The following ROBO2 variants were observed in gnomAD, a reference collection of about 807,000 sequenced individuals.
The protein encoded by ROBO2 is roundabout guidance receptor 2.
ROBO2 carries 53 observed loss-of-function variants against 160.8 expected under a neutral mutation model. The ratio of observed to expected loss-of-function variants is 0.33; its 90% CI spans 0.26 to 0.41. The LOEUF is 0.41. ROBO2 is among the 10% of genes least tolerant of loss of function. The pLI, the probability that ROBO2 is intolerant of heterozygous loss-of-function variation, is 1.00. For missense variants in ROBO2, 1,577 were observed against 1,722.4 expected (o/e 0.92, Z 1.49); for synonymous variants, 664 against 611.7 (o/e 1.09, Z -1.26).
intron 17 of ROBO2, among the ~76,000 whole-genome samples, chr3:77,594,337 G>T (rs987255416): frequency 6.6e-6 from 1 of 152,128 alleles, no homozygotes; most frequent in Non-Finnish European, 1.5e-5. Flanking sequence ...ATGGATGATG[G>T]ACCTGAACTG....
intron 2 of ROBO2, among the ~76,000 whole-genome samples, chr3:76,459,918 A>G (rs941274273): frequency 6.6e-6 from 1 of 152,170 alleles, no homozygotes; most frequent in East Asian, 1.9e-4. Context: ...TGGTTTAACA[A>G]ATGAACCAAC....
chr3:76,091,292 A>T (rs930166848), intron 2 of ROBO2, among the ~76,000 whole-genome samples: 1 of 152,224 alleles, frequency 6.6e-6, no homozygotes, highest in Admixed American at 6.5e-5. Flanking sequence ...ACACCTCACT[A>T]AAGAAGATAT....
At chr3:75,998,939 C>A (rs987501589) in intron 2 of ROBO2, among the ~76,000 whole-genome samples, 1 of 152,180 alleles carries the variant, frequency 6.6e-6, no homozygotes, top group Non-Finnish European at 1.5e-5. Context: ...TCTCTTTCAA[C>A]ATTGTCTTCA....
chr3:76,506,048 G>A (rs1406411746), intron 2 of ROBO2, among the ~76,000 whole-genome samples: 1 of 152,126 alleles, frequency 6.6e-6, no homozygotes, highest in East Asian at 1.9e-4. Flanking sequence ...CTGAATATGA[G>A]CACCTGCATT....
chr3:77,169,491 C>G (rs1291418697), intron 2 of ROBO2, among the ~76,000 whole-genome samples: 3 of 152,100 alleles, frequency 2.0e-5, no homozygotes, highest in Non-Finnish European at 4.4e-5. Context: ...TTAAACTCCT[C>G]CCAGAATTTT....
At chr3:77,057,649 C>T (rs2065891197) in intron 1 of ROBO2, among the ~76,000 whole-genome samples, 1 of 146,268 alleles carries the variant, frequency 6.8e-6, no homozygotes, top group Non-Finnish European at 1.5e-5. Context: ...CGGCTCACTG[C>T]AACCTCTGCC....
intron 5 of ROBO2, among the ~76,000 whole-genome samples, chr3:77,507,111 C>T (rs1226300910): frequency 6.6e-6 from 1 of 152,092 alleles, no homozygotes; most frequent in Non-Finnish European, 1.5e-5. Flanking sequence ...GTGTCTGAAC[C>T]TCATTTTCAA....
intron 2 of ROBO2, among the ~76,000 whole-genome samples, chr3:76,200,024 A>G (rs544625991): frequency 1.3e-4 from 20 of 152,316 alleles, no homozygotes; most frequent in African/African-American, 4.6e-4. Flanking sequence ...GGATAAAAAA[A>G]CAACTTTTTT....
chr3:76,223,336 C>A (rs1234524652), intron 2 of ROBO2, among the ~76,000 whole-genome samples: 1 of 151,620 alleles, frequency 6.6e-6, no homozygotes, highest in African/African-American at 2.4e-5. Context: ...CGGGGTTAAC[C>A]CCCTCAGATA....
intron 2 of ROBO2, among the ~76,000 whole-genome samples, chr3:76,980,930 T>C (rs1161519959): frequency 1.3e-5 from 2 of 152,230 alleles, no homozygotes; most frequent in African/African-American, 4.8e-5. Flanking sequence ...AATTGATTCA[T>C]ATAATATCAT....
At chr3:77,457,868 C>T (rs778895989) in intron 2 of ROBO2, among the ~76,000 whole-genome samples, 16 of 151,906 alleles carry the variant, frequency 1.1e-4, no homozygotes, top group Non-Finnish European at 2.2e-4. Flanking sequence ...GAGAAATAGA[C>T]ATTTTATTGT....
At chr3:76,540,996 C>T (rs1036772152) in intron 2 of ROBO2, among the ~76,000 whole-genome samples, 4 of 152,066 alleles carry the variant, frequency 2.6e-5, no homozygotes, top group Non-Finnish European at 2.9e-5. Flanking sequence ...AATGGGATTT[C>T]GCCATGTGGG....
chr3:76,362,507 AG>A (rs2075579453), intron 2 of ROBO2, among the ~76,000 whole-genome samples: 1 of 152,118 alleles, frequency 6.6e-6, no homozygotes, highest in African/African-American at 2.4e-5. Context: ...CAGCCGTGTT[AG>A]CTTAGGTAAG....
intron 2 of ROBO2, among the ~76,000 whole-genome samples, chr3:76,246,344 T>C (rs1705619564): frequency 6.6e-6 from 1 of 152,174 alleles, no homozygotes; most frequent in Non-Finnish European, 1.5e-5. Context: ...TCATTTCTTG[T>C]AATTTGAGGA....
chr3:76,970,771 T>C (rs1457031478), intron 2 of ROBO2, among the ~76,000 whole-genome samples: 1 of 152,358 alleles, frequency 6.6e-6, no homozygotes, highest in Admixed American at 6.5e-5. Context: ...TAGGACCAGA[T>C]AATTTTCAAA....
At chr3:77,563,067 C>T in intron 10 of ROBO2, 100 bp from the exon 12 acceptor site, 1 of 1,065,604 alleles carries the variant, frequency 9.4e-7, no homozygotes. Flanking sequence ...GAATTTCTCA[C>T]TGTCTAGGTC....
At chr3:77,180,261 T>G (rs2080590635) in intron 2 of ROBO2, among the ~76,000 whole-genome samples, 1 of 151,698 alleles carries the variant, frequency 6.6e-6, no homozygotes, top group South Asian at 2.1e-4. Context: ...AACACCTCAT[T>G]TGAATCATTG....
chr3:76,580,341 T>TTG (rs564525849), intron 2 of ROBO2, among the ~76,000 whole-genome samples: 2 of 45,458 alleles, frequency 4.4e-5, no homozygotes, highest in Non-Finnish European at 1.0e-4. Context: ...TTTTTTTTTG[T>TTG]GTTTTTTTTT....
chr3:76,096,401 G>A (rs901956964), intron 2 of ROBO2, among the ~76,000 whole-genome samples: 4 of 152,004 alleles, frequency 2.6e-5, no homozygotes, highest in African/African-American at 7.2e-5. Flanking sequence ...TATATTTTAC[G>A]GAGAAATTGT....
Sources: gnomAD v4.1 joint callset for allele counts (sites outside exome capture counted in the v4.1 genomes callset) on GRCh38, gnomAD v4.1.1 for gene constraint, MANE v1.5 for transcripts, NCBI Gene and HGNC (gene_info 2026-07-23, HGNC 2026-07-21) for gene names.